Variants in LRP1B observed in about 807,000 individuals in gnomAD.
LRP1B encodes LDL receptor related protein 1B.
Under a neutral mutation model 556.6 loss-of-function variants are expected in LRP1B, and 217 were observed. The observed-to-expected ratio is 0.39, with a 90% confidence interval of 0.35 to 0.44. LRP1B has a LOEUF of 0.44. LRP1B is among the 20% of genes least tolerant of loss of function. LRP1B has a pLI of 1.00. For synonymous variants in LRP1B, 2,047 were observed against 1,865.8 expected (o/e 1.10, Z -2.50); for missense variants, 5,053 against 5,620.8 (o/e 0.90, Z 3.23).
At chr2:140,510,877 T>C (rs1453007634) in intron 51 of LRP1B, among the ~76,000 whole-genome samples, 1 of 152,196 alleles carries the variant, frequency 6.6e-6, no homozygotes, top group Non-Finnish European at 1.5e-5. Context: ...ATATGTCAAA[T>C]GGCCCTCCCT....
At chr2:140,331,224 T>C (rs1573803875) in intron 79 of LRP1B, among the ~76,000 whole-genome samples, 1 of 152,042 alleles carries the variant, frequency 6.6e-6, no homozygotes, top group Non-Finnish European at 1.5e-5. Flanking sequence ...ATATACATCA[T>C]GGAGTACTAT....
intron 3 of LRP1B, among the ~76,000 whole-genome samples, chr2:141,432,152 A>G (rs983637370): frequency 2.0e-5 from 3 of 152,082 alleles, no homozygotes; most frequent in South Asian, 2.1e-4. Flanking sequence ...TTTACTGAGG[A>G]ATTTTCATAA....
intron 20 of LRP1B, among the ~76,000 whole-genome samples, chr2:140,947,973 C>T (rs561243223): frequency 2.0e-5 from 3 of 152,154 alleles, no homozygotes; most frequent in African/African-American, 7.2e-5. Context: ...TAAATAAGGC[C>T]ATTAACATTA....
intron 2 of LRP1B, among the ~76,000 whole-genome samples, chr2:141,597,590 C>A (rs1294837225): frequency 6.6e-6 from 1 of 152,010 alleles, no homozygotes; most frequent in East Asian, 1.9e-4. Context: ...ACTGCATGTT[C>A]TTATATTGGA....
intron 11 of LRP1B, among the ~76,000 whole-genome samples, chr2:141,026,318 GT>G (rs1416122825): frequency 6.6e-6 from 1 of 151,878 alleles, no homozygotes; most frequent in Non-Finnish European, 1.5e-5. Flanking sequence ...TTTCTAATAG[GT>G]TTCATGTTTT....
chr2:141,087,212 A>T (rs976070477), intron 7 of LRP1B, among the ~76,000 whole-genome samples: 3 of 112,882 alleles, frequency 2.7e-5, no homozygotes, highest in South Asian at 2.9e-4. Context: ...TACCCAGGAC[A>T]TACTGTACTA....
chr2:141,357,347 A>G (rs1030832353), intron 3 of LRP1B, among the ~76,000 whole-genome samples: 9 of 152,196 alleles, frequency 5.9e-5, no homozygotes, highest in Non-Finnish European at 1.0e-4. Context: ...TTTTTCCATC[A>G]TAATAAAAAG....
At chr2:140,885,550 C>T (rs1693609593) in intron 24 of LRP1B, among the ~76,000 whole-genome samples, 1 of 151,894 alleles carries the variant, frequency 6.6e-6, no homozygotes, top group African/African-American at 2.4e-5. Context: ...GGGGTTTCAT[C>T]ATATGGGCCA....
rs574529710 is a variant in LRP1B, at chr2:140,903,017, C to T, written c.3669G>A (p.Lys1223=). Residue 1223 remains lysine (K), a synonymous_variant, in exon 23 of 91, where the codon AAG becomes AAA. Transcript: ENST00000389484. ...TGTGCTGCTCACATACTTGGCTGCA[C>T]TTTAGATGATTGCTACAATAATCCA... ...EIVDYCSNHL[K]CSQVCEQHKH... is the part of the protein sequence containing the mutation. 2.5e-6 allele frequency: 4 copies of T among 1,613,646 alleles called. No individual in the cohort carries two copies. The highest frequency in any genetic ancestry group is 2.7e-5 in the African/African-American group (2 of 74,908).
intron 60 of LRP1B, among the ~76,000 whole-genome samples, chr2:140,459,861 T>G (rs902207640): frequency 6.6e-6 from 1 of 152,086 alleles, no homozygotes; most frequent in East Asian, 1.9e-4. Context: ...TGTGTAGCAC[T>G]TCCCCCCTAC....
At chr2:141,627,082 G>A (rs1363319303) in intron 2 of LRP1B, among the ~76,000 whole-genome samples, 1 of 152,178 alleles carries the variant, frequency 6.6e-6, no homozygotes, top group Non-Finnish European at 1.5e-5. Context: ...AGTAAATTGA[G>A]GTATATCCAG....
chr2:141,530,882 G>A (rs1324116107), intron 2 of LRP1B, among the ~76,000 whole-genome samples: 1 of 150,192 alleles, frequency 6.7e-6, no homozygotes, highest in Non-Finnish European at 1.5e-5. Context: ...AGGAAATAAA[G>A]GGGAGAAAAG....
At chr2:140,765,427 G>A (rs1464592581) in intron 35 of LRP1B, among the ~76,000 whole-genome samples, 2 of 152,156 alleles carry the variant, frequency 1.3e-5, no homozygotes, top group Non-Finnish European at 2.9e-5. Flanking sequence ...ACTTAACTAA[G>A]TGGAGCAATG....
chr2:140,540,981 C>G lies in LRP1B; in HGVS notation c.7505G>C (p.Arg2502Thr), dbSNP rs917496372. 6.2e-7 allele frequency: 1 copy of G among 1,609,188 alleles called. No homozygotes were observed. The highest frequency in any genetic ancestry group is 8.5e-7 in the Non-Finnish European group (1 of 1,177,418). ...RGDRILLEDNRCVTKNSSCNA... is the reference protein window; with the variant it reads ...RGDRILLEDNTCVTKNSSCNA... ...CAATTCCCTTTACTTACTCACACATCTGTTGTCCTCTAGCAATATTCGGTC... is the reference window on the plus strand; with the variant it reads ...CAATTCCCTTTACTTACTCACACATGTGTTGTCCTCTAGCAATATTCGGTC... The change falls in exon 45 of 91, where the codon AGA (arginine) becomes ACA (threonine). Residue 2502 changes from arginine (R) to threonine (T), a missense_variant. By Grantham distance (71) the Arg-to-Thr change is moderately conservative. Transcript: ENST00000389484.
intron 82 of LRP1B, among the ~76,000 whole-genome samples, chr2:140,317,606 A>C (rs1338482219): frequency 6.6e-6 from 1 of 152,130 alleles, no homozygotes; most frequent in Non-Finnish European, 1.5e-5. Flanking sequence ...AAATACGCAG[A>C]GTGGAAATAT....
intron 2 of LRP1B, among the ~76,000 whole-genome samples, chr2:141,702,439 C>T (rs1219612965): frequency 6.6e-6 from 1 of 151,828 alleles, no homozygotes; most frequent in Non-Finnish European, 1.5e-5. Context: ...AATGAGATCT[C>T]TTCTGATTTT....
chr2:141,404,977 A>T (rs6751011), intron 3 of LRP1B, among the ~76,000 whole-genome samples: 97,116 of 151,684 alleles, frequency 0.64, 32,317 homozygotes, highest in Non-Finnish European at 0.73. Context: ...CTGTAGTCCC[A>T]GCTACTCGGG....
At chr2:140,446,069 G>A (rs1329185500) in intron 63 of LRP1B, among the ~76,000 whole-genome samples, 3 of 151,978 alleles carry the variant, frequency 2.0e-5, no homozygotes, top group Non-Finnish European at 4.4e-5. Context: ...GTTCTAAAAT[G>A]TTGAAAGTTA....
intron 6 of LRP1B, among the ~76,000 whole-genome samples, chr2:141,218,011 A>G (rs926196616): frequency 2.6e-5 from 4 of 152,208 alleles, no homozygotes; most frequent in African/African-American, 9.6e-5. Flanking sequence ...AGACAAATGC[A>G]AATCAAAACC....
Sources: gnomAD v4.1 joint callset for allele counts (sites outside exome capture counted in the v4.1 genomes callset) on GRCh38, gnomAD v4.1.1 for gene constraint, MANE v1.5 for transcripts, NCBI Gene and HGNC (gene_info 2026-07-23, HGNC 2026-07-21) for gene names.